The following TTLL9 variants were observed in gnomAD, a reference collection of about 807,000 sequenced individuals.
TTLL9 encodes probable tubulin polyglutamylase TTLL9.
In TTLL9, 47 loss-of-function variants were observed where a neutral mutation model predicts 65.6. The ratio of observed to expected loss-of-function variants is 0.72; its 90% CI spans 0.57 to 0.91. The LOEUF (loss-of-function observed/expected upper bound fraction) is 0.91, where lower values mean the gene tolerates loss of function less well. Among genes scored for constraint, TTLL9 ranks in the 40% least tolerant of loss-of-function variants. The pLI, the probability that TTLL9 is intolerant of heterozygous loss-of-function variation, is 0.00. For synonymous variants in TTLL9, 179 were observed against 204.8 expected, an observed-to-expected ratio of 0.87 and a Z score of 1.07; for missense variants, 537 against 568.8, an observed-to-expected ratio of 0.94 and a Z score of 0.57.
At chr20:31,926,806 A>G (rs1192039148) in intron 10 of TTLL9, among the ~76,000 whole-genome samples, 1 of 152,196 alleles carries the variant, frequency 6.6e-6, no homozygotes, top group Admixed American at 6.5e-5. Flanking sequence ...GTTCTCGTTC[A>G]TGTTAAAAAT....
intron 3 of TTLL9, among the ~76,000 whole-genome samples, chr20:31,895,813 G>GTATTTATTTATTTATT (rs34278083): frequency 1.8e-4 from 26 of 148,060 alleles, no homozygotes; most frequent in African/African-American, 5.5e-4. Flanking sequence ...GGTTATTCAT[G>GTATTTATTTATTTATT]TATTTATTTA....
intron 8 of TTLL9, among the ~76,000 whole-genome samples, chr20:31,923,505 TGGG>T (rs1389083153): frequency 7.9e-5 from 12 of 152,020 alleles, no homozygotes; most frequent in Admixed American, 7.9e-4. Flanking sequence ...GAGAGTGACA[TGGG>T]GGCCAGGAGG....
At chr20:31,905,063 G>A (rs1263196269) in intron 4 of TTLL9, among the ~76,000 whole-genome samples, 1 of 152,052 alleles carries the variant, frequency 6.6e-6, no homozygotes, top group Admixed American at 6.6e-5. Flanking sequence ...AGGGTTTATA[G>A]AGCACATGGC....
At chr20:31,887,422 T>C (rs1270192167) in intron 3 of TTLL9, among the ~76,000 whole-genome samples, 183 bp downstream of exon 3, 3 of 152,244 alleles carry the variant, frequency 2.0e-5, no homozygotes, top group Admixed American at 6.5e-5. Context: ...TCACTTTACC[T>C]GTATTAGCTC....
intron 10 of TTLL9, among the ~76,000 whole-genome samples, chr20:31,928,548 A>G (rs1453644323): frequency 6.6e-6 from 1 of 151,272 alleles, no homozygotes; most frequent in Non-Finnish European, 1.5e-5. Context: ...ATATTTGCAT[A>G]TAGTATATCT....
chr20:31,914,659 G>A (rs944383987), intron 6 of TTLL9, among the ~76,000 whole-genome samples: 1 of 152,144 alleles, frequency 6.6e-6, no homozygotes, highest in African/African-American at 2.4e-5. Context: ...CCAAGGAAGC[G>A]AAGAAAGAAG....
intron 3 of TTLL9, among the ~76,000 whole-genome samples, chr20:31,891,303 C>T (rs896781919): frequency 6.6e-6 from 1 of 152,066 alleles, no homozygotes; most frequent in African/African-American, 2.4e-5. Context: ...CAATGTGCAC[C>T]CCATCAGCAT....
chr20:31,917,116 C>T lies in TTLL9; in HGVS notation c.505-2748C>T, dbSNP rs184031807. ...GTTTAATAAAATATAGAAAAGTAGC[C>T]AAATTATAGGGGCACAGTATGAATT... On this transcript the variant is annotated intron_variant, in intron 6 of 14. Transcript: ENST00000535842. Among the ~76,000 whole-genome samples the T allele has an allele frequency of 9.2e-5, 14 of 152,206 alleles. No individual in the cohort carries two copies. In the East Asian group the frequency reaches 1.7e-3, roughly 19 times the overall value.
intron 6 of TTLL9, among the ~76,000 whole-genome samples, chr20:31,910,563 T>G (rs917667309): frequency 6.6e-6 from 1 of 152,202 alleles, no homozygotes. Flanking sequence ...CAAATACTAC[T>G]GATACACTTA....
chr20:31,901,917 C>T (rs575878541), intron 4 of TTLL9, among the ~76,000 whole-genome samples: 8 of 152,162 alleles, frequency 5.3e-5, no homozygotes, highest in Non-Finnish European at 1.2e-4. Context: ...GTGCGCACCA[C>T]CTGGCAAGGT....
At chr20:31,905,428 C>T (rs940004356) in intron 4 of TTLL9, among the ~76,000 whole-genome samples, 2 of 152,142 alleles carry the variant, frequency 1.3e-5, no homozygotes, top group Non-Finnish European at 2.9e-5. Context: ...ACCGTTCTTC[C>T]GAACCACTGT....
intron 3 of TTLL9, among the ~76,000 whole-genome samples, chr20:31,889,545 C>A (rs1357994283): frequency 6.6e-6 from 1 of 151,580 alleles, no homozygotes; most frequent in Non-Finnish European, 1.5e-5. Flanking sequence ...GCCTCAGCCT[C>A]CCTAGTAGCT....
At chr20:31,904,578 G>A (rs752260530) in intron 4 of TTLL9, among the ~76,000 whole-genome samples, 2 of 151,924 alleles carry the variant, frequency 1.3e-5, no homozygotes, top group Non-Finnish European at 2.9e-5. Context: ...GGCTGATCTC[G>A]AACTCCTGGG....
chr20:31,875,303 T>C (rs2063022387), intron 2 of TTLL9, among the ~76,000 whole-genome samples: 1 of 152,204 alleles, frequency 6.6e-6, no homozygotes, highest in African/African-American at 2.4e-5. Flanking sequence ...GTAGAAAGAC[T>C]GGAACACAGT....
chr20:31,890,067 T>G (rs6121263), intron 3 of TTLL9, among the ~76,000 whole-genome samples: 1 of 122,820 alleles, frequency 8.1e-6, no homozygotes, highest in East Asian at 2.2e-4. Flanking sequence ...TCTCTTTCTT[T>G]CTTGCTTTCT....
intron 6 of TTLL9, among the ~76,000 whole-genome samples, chr20:31,911,836 G>A (rs1600578309): frequency 7.8e-5 from 1 of 12,812 alleles, no homozygotes; most frequent in South Asian, 2.3e-3. Context: ...CTGTGCGTGT[G>A]TGTGTGTGTG....
intron 3 of TTLL9, among the ~76,000 whole-genome samples, chr20:31,894,317 T>C (rs2063352803): frequency 6.6e-6 from 1 of 152,030 alleles, no homozygotes; most frequent in Non-Finnish European, 1.5e-5. Context: ...TTGCACAGGC[T>C]GGTCTTGAAC....
intron 2 of TTLL9, among the ~76,000 whole-genome samples, chr20:31,885,549 A>C (rs186268887): frequency 6.9e-4 from 105 of 152,332 alleles, no homozygotes; most frequent in Admixed American, 6.6e-3. Context: ...GGACAGCTTG[A>C]CTAGTGTTGG....
At chr20:31,931,194 C>T (rs2064003513) in intron 10 of TTLL9, among the ~76,000 whole-genome samples, 1 of 151,766 alleles carries the variant, frequency 6.6e-6, no homozygotes, top group Admixed American at 6.6e-5. Context: ...ATCCTCCTAC[C>T]TCAGCCTCCC....
Sources: gnomAD v4.1 joint callset for allele counts (sites outside exome capture counted in the v4.1 genomes callset) on GRCh38, gnomAD v4.1.1 for gene constraint, MANE v1.5 for transcripts, NCBI Gene and HGNC (gene_info 2026-07-23, HGNC 2026-07-21) for gene names.